Variants in NEIL2 observed in about 807,000 individuals in gnomAD.
NEIL2 encodes nei like DNA glycosylase 2.
A neutral mutation model predicts 22.2 loss-of-function variants in NEIL2; 23 were observed. The observed-to-expected ratio is 1.04, with a 90% CI of 0.75 to 1.47. The LOEUF is 1.47. Ranked by LOEUF, NEIL2 falls within the 40% of genes most tolerant of loss-of-function variation. The pLI, the probability that NEIL2 is intolerant of heterozygous loss-of-function variation, is 0.00. For missense variants in NEIL2, 583 were observed against 404.7 expected, an observed-to-expected ratio of 1.44 and a Z score of -3.78; for synonymous variants, 229 against 164.8, an observed-to-expected ratio of 1.39 and a Z score of -2.99.
intron 3 of NEIL2, among the ~76,000 whole-genome samples, chr8:11,782,419 C>G (rs756683823): frequency 3.9e-5 from 6 of 152,038 alleles, no homozygotes; most frequent in Non-Finnish European, 8.8e-5. Context: ...GAATGAAACT[C>G]CATCTCAAAA....
chr8:11,772,660 G>A (rs968890419), intron 2 of NEIL2, among the ~76,000 whole-genome samples: 4 of 152,148 alleles, frequency 2.6e-5, no homozygotes, highest in African/African-American at 7.2e-5. Flanking sequence ...GCTGCTCCTC[G>A]CCAGTATTGT....
intron 3 of NEIL2, 171 bp from the exon 4 acceptor site, chr8:11,783,032 G>T: frequency 2.9e-6 from 2 of 685,214 alleles, no homozygotes; most frequent in South Asian, 3.2e-5. Flanking sequence ...TGACTATACT[G>T]TGGTAACGAT....
At chr8:11,780,759 G>C (rs952096494) in intron 3 of NEIL2, among the ~76,000 whole-genome samples, 2 of 152,174 alleles carry the variant, frequency 1.3e-5, no homozygotes, top group African/African-American at 4.8e-5. Context: ...TATGTCCTCA[G>C]TGTCAATTCC....
In NEIL2 at chr8:11,784,228, T is replaced by C. The variant is rs8191651; in HGVS notation, c.688+829T>C. Among the ~76,000 whole-genome samples the C allele has an allele frequency of 9.7e-4, 148 of 152,310 alleles. 2 individuals are homozygous for C. In the South Asian group the frequency reaches 0.015, roughly 15 times the overall value. On this transcript the variant is annotated intron_variant, in intron 4 of 4. Transcript: ENST00000284503. ...GCCTTGCATTTTCATGTTAGGACCA[T>C]GGGAGTCCCTGTGCACTCAGGAGCG...
chr8:11,777,153 T>C (rs765830656), intron 2 of NEIL2, among the ~76,000 whole-genome samples: 1 of 142,576 alleles, frequency 7.0e-6, no homozygotes, highest in Admixed American at 6.8e-5. Context: ...CTACCCACAC[T>C]TTTCTTTTCT....
rs896455209 is a variant in NEIL2 at position 11,787,212 on chromosome 8, G to A, written c.*939G>A. ...GAAAAGCTGCTTGTTTACTCCTTAAGTCAATGTATTGGTGACTGTTGATTT... is the reference window on the plus strand; with the variant it reads ...GAAAAGCTGCTTGTTTACTCCTTAAATCAATGTATTGGTGACTGTTGATTT... On this transcript the variant is annotated 3_prime_UTR_variant, in exon 5 of 5. Transcript: ENST00000284503. 7 of 152,680 alleles carry A rather than the reference G, an allele frequency of 4.6e-5. No homozygotes were observed. Among genetic ancestry groups the A allele is most frequent in the African/African-American group, 1.7e-4 (7 of 41,440 alleles). The allele number at this position is 152,680 out of a possible 1,614,324, so 9.5% of individuals were successfully genotyped here.
chr8:11,775,551 G>C (rs1324429694), intron 2 of NEIL2, among the ~76,000 whole-genome samples: 4 of 152,170 alleles, frequency 2.6e-5, no homozygotes, highest in Non-Finnish European at 4.4e-5. Flanking sequence ...TTGACTCCTA[G>C]TTACTTATGC....
At chr8:11,779,260 G>C (rs1310108303) in intron 2 of NEIL2, among the ~76,000 whole-genome samples, 1 of 152,166 alleles carries the variant, frequency 6.6e-6, no homozygotes, top group Admixed American at 6.5e-5. Context: ...AATGTATTAC[G>C]AATGGAATGA....
At chr8:11,783,112 A>T (rs1352107799) in intron 3 of NEIL2, 91 bp from the exon 4 acceptor site, 1 of 1,001,142 alleles carries the variant, frequency 1.0e-6, no homozygotes, top group Non-Finnish European at 1.6e-6. Context: ...CGATGTGGGG[A>T]TGTGTGTATG....
chr8:11,773,473 C>G (rs748966324), intron 2 of NEIL2, among the ~76,000 whole-genome samples: 6 of 152,150 alleles, frequency 3.9e-5, no homozygotes, highest in African/African-American at 9.7e-5. Context: ...ACAGGCCACA[C>G]TATTAAGCTA....
Position 11,773,522 on chromosome 8 carries a change from G to A in NEIL2, c.138+1937G>A, listed in dbSNP as rs1379655904. ...GGGCAGAGCACATCATAAAGGCCCA[G>A]GTAATGACCCTGACAGGAAGAGGTC... is the stretch of plus-strand genomic sequence containing the variant. On this transcript the variant is annotated intron_variant, in intron 2 of 4. Transcript: ENST00000284503. Among the ~76,000 whole-genome samples, 3 of 152,158 alleles carry A rather than the reference G, an allele frequency of 2.0e-5. No individual in the cohort carries two copies. In the East Asian group the frequency reaches 5.8e-4, roughly 29 times the overall value.
Position 11,771,411 on chromosome 8 carries a change from A to T in NEIL2, c.-2-35A>T, listed in dbSNP as rs776579107. 9 of 1,612,446 alleles carry T rather than the reference A, an allele frequency of 5.6e-6. No homozygotes were observed. In the Admixed American group the frequency reaches 1.2e-4, roughly 21 times the overall value. ...AAAGATGCTAGAGATAAATGAGCTA[A>T]GTCGGTGGCCTCTTTTGCCCATTTC... On this transcript the variant is annotated intron_variant, in intron 1 of 4. Coordinates refer to ENST00000284503, the MANE Select transcript of NEIL2 (RefSeq NM_145043.4).
At chr8:11,778,945 A>C (rs1585762425) in intron 2 of NEIL2, among the ~76,000 whole-genome samples, 1 of 146,220 alleles carries the variant, frequency 6.8e-6, no homozygotes, top group African/African-American at 2.5e-5. Flanking sequence ...CTCCATCTGA[A>C]AAAAAAAAAA....
In NEIL2 at chr8:11,770,326, A is replaced by G. The variant is rs909430087; in HGVS notation, c.-12A>G. On this transcript the variant is annotated 5_prime_UTR_variant, in exon 1 of 5. Transcript: ENST00000284503. ...CCCGTAGAAGAGGATCAGGCATCCA[A>G]CTGGTTAAGGTCAGCAGCGTTTGGC... The G allele has an allele frequency of 9.2e-5, 14 of 152,290 alleles. No individual in the cohort carries two copies. Among genetic ancestry groups the G allele is most frequent in the South Asian group, 4.1e-4 (2 of 4,828 alleles). The allele number at this position is 152,290 out of a possible 1,614,324, so 9.4% of individuals were successfully genotyped here. A position where few individuals can be genotyped will look rare whatever the true frequency, so the allele number is the denominator to read the frequency against.
intron 2 of NEIL2, 61 bp from the exon 3 acceptor site, chr8:11,779,537 C>A: frequency 7.7e-7 from 1 of 1,296,312 alleles, no homozygotes; most frequent in Non-Finnish European, 1.1e-6. Context: ...GATAAATATC[C>A]GCATTCCCCA....
At chr8:11,773,646 G>T (rs1036759085) in intron 2 of NEIL2, among the ~76,000 whole-genome samples, 1 of 152,170 alleles carries the variant, frequency 6.6e-6, no homozygotes, top group African/African-American at 2.4e-5. Flanking sequence ...GGGCATTTCA[G>T]GCTTGAGAAG....
chr8:11,783,174 T>C, intron 3 of NEIL2, 29 bp from the exon 4 acceptor site: 1 of 1,605,474 alleles, frequency 6.2e-7, no homozygotes, highest in Non-Finnish European at 8.5e-7. Flanking sequence ...GGTAACGATG[T>C]GTACATATGA....
At chr8:11,775,530 G>C (rs1343812109) in intron 2 of NEIL2, among the ~76,000 whole-genome samples, 4 of 152,176 alleles carry the variant, frequency 2.6e-5, no homozygotes, top group Admixed American at 2.6e-4. Context: ...TATTGGCTTG[G>C]TGGTTAGCAT....
chr8:11,774,493 C>T (rs575121165), intron 2 of NEIL2, among the ~76,000 whole-genome samples: 2 of 152,314 alleles, frequency 1.3e-5, no homozygotes, highest in East Asian at 3.9e-4. Context: ...TCCCATAACA[C>T]ATGGGAATCA....
Sources: gnomAD v4.1 joint callset for allele counts (sites outside exome capture counted in the v4.1 genomes callset) on GRCh38, gnomAD v4.1.1 for gene constraint, MANE v1.5 for transcripts, NCBI Gene and HGNC (gene_info 2026-07-23, HGNC 2026-07-21) for gene names.